Variants in CDKL2 observed in about 807,000 individuals in gnomAD.
CDKL2 encodes cyclin dependent kinase like 2, also known as cyclin-dependent kinase-like 2.
CDKL2 carries 64 observed loss-of-function variants against 63.9 expected under a neutral mutation model. The ratio of observed to expected loss-of-function variants is 1.00; its 90% CI spans 0.82 to 1.23. CDKL2 has a LOEUF of 1.23. CDKL2 is among the 50% of genes most tolerant of loss of function. The pLI is 0.00. For missense variants in CDKL2, 656 were observed against 668.0 expected (o/e 0.98, Z 0.20); for synonymous variants, 211 against 229.2 (o/e 0.92, Z 0.72).
chr4:75,601,504 A>G (rs116043966), intron 6 of CDKL2, among the ~76,000 whole-genome samples: 1,784 of 152,246 alleles, frequency 0.012, 38 homozygotes, highest in African/African-American at 0.041. Context: ...AAATACTCCA[A>G]AAAAAGTTAA....
chr4:75,629,143 A>G (rs1022567275), intron 1 of CDKL2, among the ~76,000 whole-genome samples: 13 of 152,286 alleles, frequency 8.5e-5, no homozygotes, highest in African/African-American at 2.9e-4. Context: ...TTCCATTAAG[A>G]GAGTATGTTT....
chr4:75,627,103 T>G (rs565141795), intron 1 of CDKL2, among the ~76,000 whole-genome samples: 5 of 151,010 alleles, frequency 3.3e-5, no homozygotes, highest in African/African-American at 1.2e-4. Flanking sequence ...CTCGGGAGGC[T>G]AAGGCAGGAG....
chr4:75,578,196 G>T lies in CDKL2; in HGVS notation c.*1006C>A, dbSNP rs2148851589. Reference sequence around the variant, plus strand: ...AAATGATTTTGCACCTTGGTGAAAAGCTTTTGAGACGGCCTGAGTGTTTGA... The same window carrying T: ...AAATGATTTTGCACCTTGGTGAAAATCTTTTGAGACGGCCTGAGTGTTTGA... On this transcript the variant is annotated 3_prime_UTR_variant, in exon 14 of 14. Coordinates refer to ENST00000307465, the MANE Select transcript of CDKL2 (RefSeq NM_001330724.2). 6.6e-6 allele frequency: 1 copy of T among 152,306 alleles called. No homozygotes were observed. The highest frequency in any genetic ancestry group is 1.9e-4 in the East Asian group (1 of 5,190). The allele number at this position is 152,306 out of a possible 1,614,324, so 9.4% of individuals were successfully genotyped here.
intron 3 of CDKL2, among the ~76,000 whole-genome samples, chr4:75,613,607 A>G (rs1298959196): frequency 1.3e-5 from 2 of 152,220 alleles, no homozygotes; most frequent in African/African-American, 4.8e-5. Context: ...GTGATAGACT[A>G]CAGGGTAAGG....
At position 75,591,868 on chromosome 4, in the gene CDKL2, G is replaced by A. The variant is rs542996334; in HGVS notation, c.1598C>T (p.Pro533Leu). ...ESKILSESRI[P>L]SLAAIDLHTP... is the part of the protein sequence containing the mutation. ...GTGCAGGTCAATAGCAGCCAGAGAA[G>A]GAATTCGAGATTCTGAAAGAATTTT... The change falls in exon 12 of 14, where the codon CCT (proline) becomes CTT (leucine). Residue 533 changes from proline to leucine, a missense_variant. By Grantham distance (98) the Pro-to-Leu change is moderately conservative. Coordinates refer to ENST00000307465, the MANE Select transcript of CDKL2 (RefSeq NM_001330724.2). The A allele has an allele frequency of 6.5e-7, 1 of 1,535,966 alleles. No homozygotes were observed. Among genetic ancestry groups the A allele is most frequent in the African/African-American group, 1.4e-5 (1 of 73,138 alleles).
At chr4:75,596,905 CT>C in intron 9 of CDKL2, 29 bp downstream of exon 9, 1 of 1,568,654 alleles carries the variant, frequency 6.4e-7, no homozygotes, top group Non-Finnish European at 8.7e-7. Flanking sequence ...TCCTTAAACA[CT>C]TTTTTGATCT....
chr4:75,623,579 C>A (rs1730266623), intron 2 of CDKL2, among the ~76,000 whole-genome samples: 1 of 151,678 alleles, frequency 6.6e-6, no homozygotes, highest in Non-Finnish European at 1.5e-5. Flanking sequence ...GACAGAAACA[C>A]AATGTAAAAT....
chr4:75,621,575 A>G (rs1256024051), intron 2 of CDKL2, among the ~76,000 whole-genome samples: 1 of 151,830 alleles, frequency 6.6e-6, no homozygotes, highest in Non-Finnish European at 1.5e-5. Context: ...CCCAGGCTGG[A>G]GTGCAGTGGC....
chr4:75,588,741 T>C (rs185152194), intron 12 of CDKL2, among the ~76,000 whole-genome samples: 3 of 152,300 alleles, frequency 2.0e-5, no homozygotes, highest in Admixed American at 2.0e-4. Context: ...TGGACACACC[T>C]AGAGCCCAGA....
At chr4:75,582,594 G>GT (rs1728309622) in intron 12 of CDKL2, among the ~76,000 whole-genome samples, 1 of 151,996 alleles carries the variant, frequency 6.6e-6, no homozygotes, top group South Asian at 2.1e-4. Flanking sequence ...AGAAGGAGAG[G>GT]TGAGAGATTA....
At chr4:75,587,903 CA>C (rs72495158) in intron 12 of CDKL2, among the ~76,000 whole-genome samples, 295 of 83,734 alleles carry the variant, frequency 3.5e-3, no homozygotes, top group Admixed American at 4.6e-3. Context: ...GATTCTGTCT[CA>C]AAAAAAAAAA....
chr4:75,577,192 T>A lies in CDKL2; in HGVS notation c.*2010A>T, dbSNP rs1728059840. On this transcript the variant is annotated 3_prime_UTR_variant, in exon 14 of 14. Transcript: ENST00000307465. ...GCTCCCCACCAGTACATACACATAT[T>A]CCCTATTAGTGTGTGACTAAATCAT... 1.3e-5 allele frequency among the ~76,000 whole-genome samples: 2 copies of A among 152,224 alleles called. No individual in the cohort carries two copies. The highest frequency in any genetic ancestry group is 2.9e-5 in the Non-Finnish European group (2 of 68,006).
chr4:75,604,172 A>G (rs1729324427), intron 5 of CDKL2, among the ~76,000 whole-genome samples: 1 of 152,252 alleles, frequency 6.6e-6, no homozygotes, highest in South Asian at 2.1e-4. Flanking sequence ...ATATTTTATA[A>G]CTTTCCAGAT....
intron 2 of CDKL2, among the ~76,000 whole-genome samples, chr4:75,617,194 T>G (rs534792904): frequency 2.3e-3 from 347 of 152,032 alleles, no homozygotes; most frequent in Non-Finnish European, 4.2e-3. Flanking sequence ...ACCCCTGAAC[T>G]TAAAAGTTAA....
In CDKL2 at chr4:75,625,949, T is replaced by C; in HGVS notation, c.40A>G (p.Ser14Gly). 6.2e-7 allele frequency: 1 copy of C among 1,611,460 alleles called. No homozygotes were observed. Among genetic ancestry groups the C allele is most frequent in the Non-Finnish European group, 8.5e-7 (1 of 1,179,346 alleles). The change falls in exon 2 of 14, where the codon AGT becomes GGT. Residue 14 changes from serine (S) to glycine (G), a missense_variant. Physicochemically the swap from Ser to Gly is moderately conservative, Grantham distance 56. Transcript: ENST00000307465. The stretch of plus-strand genomic sequence containing the variant: ...CTACACTTCATCACCATTCCATAAC[T>C]CCCTTCTCCAACCAAACCCAGGTTT... ...YENLGLVGEGSYGMVMKCRNK... is the reference protein window; with the variant it reads ...YENLGLVGEGGYGMVMKCRNK...
chr4:75,605,650 T>C lies in CDKL2; in HGVS notation c.543-16A>G. ...ATCAACAGCCCTGAAAGAAAAGCAA[T>C]GTGGTGTAAAATCTGGCATCCTAAT... is the stretch of plus-strand genomic sequence containing the variant. On this transcript the variant is annotated splice_polypyrimidine_tract_variant and intron_variant, in intron 4 of 13. Coordinates refer to ENST00000307465, the MANE Select transcript of CDKL2 (RefSeq NM_001330724.2). The C allele has an allele frequency of 6.4e-7, 1 of 1,569,358 alleles. No homozygotes were observed. Among genetic ancestry groups the C allele is most frequent in the Non-Finnish European group, 8.8e-7 (1 of 1,139,932 alleles).
intron 3 of CDKL2, among the ~76,000 whole-genome samples, chr4:75,610,208 A>AAAAAAG (rs1729629438): frequency 6.6e-6 from 1 of 151,778 alleles, no homozygotes; most frequent in Non-Finnish European, 1.5e-5. Context: ...ATCTCAAAAA[A>AAAAAAG]AAAAAGAAAA....
At chr4:75,599,393 C>T (rs986190881) in intron 7 of CDKL2, among the ~76,000 whole-genome samples, 4 of 151,954 alleles carry the variant, frequency 2.6e-5, no homozygotes, top group Non-Finnish European at 5.9e-5. Context: ...GAAACCCCAT[C>T]TCTACTAAAA....
At chr4:75,603,124 C>T (rs1293919749) in intron 6 of CDKL2, among the ~76,000 whole-genome samples, 1 of 150,132 alleles carries the variant, frequency 6.7e-6, no homozygotes, top group Non-Finnish European at 1.5e-5. Flanking sequence ...CTCAGCCTCC[C>T]CAGTAGCTGG....
Sources: gnomAD v4.1 joint callset for allele counts (sites outside exome capture counted in the v4.1 genomes callset) on GRCh38, gnomAD v4.1.1 for gene constraint, MANE v1.5 for transcripts, NCBI Gene and HGNC (gene_info 2026-07-23, HGNC 2026-07-21) for gene names.